Variants in NRXN3 observed in about 807,000 individuals in gnomAD.
The protein encoded by NRXN3 is neurexin 3.
A neutral mutation model predicts 137.6 loss-of-function variants in NRXN3; 32 were observed. The observed-to-expected ratio is 0.23, with a 90% confidence interval of 0.18 to 0.31. The LOEUF (loss-of-function observed/expected upper bound fraction) is 0.31. NRXN3 is among the 10% of genes least tolerant of loss of function. The pLI is 1.00. For synonymous variants in NRXN3, 798 were observed against 784.5 expected, an observed-to-expected ratio of 1.02 and a Z score of -0.29; for missense variants, 1,574 against 2,062.5, an observed-to-expected ratio of 0.76 and a Z score of 4.59.
chr14:79,852,043 G>GTGCT lies in NRXN3; in HGVS notation c.4094-9298_4094-9295dup, dbSNP rs2099392534. Reference sequence around the variant, plus strand: ...TTATTAACATTCTACTGTCATCATTGTGCTCTGTCACTTTGACTAAGCCCA... The same window carrying GTGCT: ...TTATTAACATTCTACTGTCATCATTGTGCTTGCTCTGTCACTTTGACTAAGCCCA... On this transcript the variant is annotated intron_variant, in intron 20 of 20. Transcript: ENST00000335750. Among the ~76,000 whole-genome samples, 2 of 151,550 alleles carry GTGCT rather than the reference G, an allele frequency of 1.3e-5. 1 individual carries two copies. Among genetic ancestry groups the GTGCT allele is most frequent in the South Asian group, 4.2e-4 (2 of 4,806 alleles).
rs139191616 is a variant in NRXN3, at chr14:79,261,691, G to T, written c.3263-205530G>T. Among the ~76,000 whole-genome samples, 1,005 of 149,138 alleles carry T rather than the reference G, an allele frequency of 6.7e-3. 11 individuals are homozygous for T. Among genetic ancestry groups the T allele is most frequent in the African/African-American group, 0.024 (955 of 40,132 alleles). ...ACAACATGCCTACAGAATACAGGGG[G>T]ATGTGAAAGAACAATTTACCTTCCA... On this transcript the variant is annotated intron_variant, in intron 15 of 20. Coordinates refer to ENST00000335750, the MANE Select transcript of NRXN3 (RefSeq NM_001330195.2).
intron 15 of NRXN3, among the ~76,000 whole-genome samples, chr14:79,329,801 G>C (rs1475359223): frequency 6.6e-6 from 1 of 151,958 alleles, no homozygotes; most frequent in Non-Finnish European, 1.5e-5. Context: ...AGTTGATAAA[G>C]TGACTGATGG....
At chr14:79,805,055 ATC>A in intron 19 of NRXN3, 55 bp from the exon 20 acceptor site, 58 of 1,197,896 alleles carry the variant, frequency 4.8e-5, no homozygotes, top group Non-Finnish European at 5.9e-5. Flanking sequence ...TAGTTTCCTT[ATC>A]TCTCTCTCTT....
At chr14:79,164,778 T>A (rs908917975) in intron 15 of NRXN3, among the ~76,000 whole-genome samples, 1 of 151,884 alleles carries the variant, frequency 6.6e-6, no homozygotes, top group African/African-American at 2.4e-5. Flanking sequence ...TAATTGTGAG[T>A]TTTCTAAGAC....
rs530351855 is a variant in NRXN3, at chr14:79,704,423, C to CAAAG, written c.4014+6489_4014+6492dup. Among the ~76,000 whole-genome samples, 8 of 152,228 alleles carry CAAAG rather than the reference C, an allele frequency of 5.3e-5. No homozygotes were observed. The East Asian group carries it at 7.8e-4, about 15-fold the overall frequency. ...TGTATCAAAACTGGTTATATTTACC[C>CAAAG]AAAGAATTATCCCCTCTGGGTCCTT... On this transcript the variant is annotated intron_variant, in intron 19 of 20. Coordinates refer to ENST00000335750, the MANE Select transcript of NRXN3 (RefSeq NM_001330195.2).
intron 8 of NRXN3, among the ~76,000 whole-genome samples, chr14:78,726,515 C>CTTTTTTTTTT (rs71452901): frequency 6.8e-5 from 7 of 102,474 alleles, no homozygotes; most frequent in Non-Finnish European, 9.1e-5. Flanking sequence ...ACCATTTTAG[C>CTTTTTTTTTT]TTTTTTTTTT....
intron 10 of NRXN3, among the ~76,000 whole-genome samples, chr14:78,816,875 T>C (rs2098935146): frequency 6.6e-6 from 1 of 152,190 alleles, no homozygotes; most frequent in Admixed American, 6.5e-5. Context: ...TGCTGTCACA[T>C]ATTTATTTCC....
At chr14:79,594,637 G>A (rs2097843878) in intron 16 of NRXN3, among the ~76,000 whole-genome samples, 1 of 151,956 alleles carries the variant, frequency 6.6e-6, no homozygotes, top group Non-Finnish European at 1.5e-5. Context: ...ATCACTTTGT[G>A]GCTTCAAGAA....
intron 4 of NRXN3, among the ~76,000 whole-genome samples, chr14:78,476,308 A>G (rs2095377117): frequency 6.6e-6 from 1 of 152,230 alleles, no homozygotes; most frequent in Non-Finnish European, 1.5e-5. Flanking sequence ...TGGTAGAGTG[A>G]CTGGGAAGGC....
At chr14:78,378,895 G>A (rs998652848) in intron 4 of NRXN3, among the ~76,000 whole-genome samples, 1 of 151,996 alleles carries the variant, frequency 6.6e-6, no homozygotes, top group Non-Finnish European at 1.5e-5. Flanking sequence ...GACTAATAAA[G>A]AAGAAAAGAC....
chr14:78,788,754 T>C (rs967195387), intron 8 of NRXN3, among the ~76,000 whole-genome samples: 1 of 152,202 alleles, frequency 6.6e-6, no homozygotes, highest in Admixed American at 6.5e-5. Flanking sequence ...TAAACTTTCA[T>C]CAAATGGCAC....
At chr14:78,951,713 C>T (rs1272461979) in intron 10 of NRXN3, among the ~76,000 whole-genome samples, 2 of 152,086 alleles carry the variant, frequency 1.3e-5, no homozygotes, top group Admixed American at 6.6e-5. Flanking sequence ...TCTTTTTATC[C>T]TCCACAATGA....
At chr14:78,910,420 G>A (rs1273593161) in intron 10 of NRXN3, among the ~76,000 whole-genome samples, 1 of 152,020 alleles carries the variant, frequency 6.6e-6, no homozygotes, top group Non-Finnish European at 1.5e-5. Flanking sequence ...ATATTTCCCT[G>A]CTATCATTGT....
chr14:79,623,946 C>T (rs1252411593), intron 16 of NRXN3, among the ~76,000 whole-genome samples: 2 of 148,498 alleles, frequency 1.3e-5, no homozygotes, highest in African/African-American at 5.0e-5. Context: ...TCTTCCACTA[C>T]CGTTGTCTTT....
At chr14:79,553,547 A>G (rs1220429108) in intron 16 of NRXN3, among the ~76,000 whole-genome samples, 2 of 152,084 alleles carry the variant, frequency 1.3e-5, no homozygotes, top group Admixed American at 1.3e-4. Flanking sequence ...AGATAACTAC[A>G]TGCACGCACT....
chr14:79,147,106 G>A (rs746723609), intron 15 of NRXN3, among the ~76,000 whole-genome samples: 4 of 152,124 alleles, frequency 2.6e-5, no homozygotes, highest in African/African-American at 9.7e-5. Context: ...GTGTAAGAGG[G>A]TGAGAGAAAA....
intron 6 of NRXN3, among the ~76,000 whole-genome samples, chr14:78,661,611 A>G (rs752152499): frequency 6.6e-6 from 1 of 152,234 alleles, no homozygotes; most frequent in Non-Finnish European, 1.5e-5. Flanking sequence ...AGGTTGAATT[A>G]ATAGAGGTCT....
At chr14:79,206,456 A>G (rs1212318368) in intron 15 of NRXN3, among the ~76,000 whole-genome samples, 2 of 152,188 alleles carry the variant, frequency 1.3e-5, no homozygotes, top group Non-Finnish European at 2.9e-5. Context: ...AGGGTCCATC[A>G]TCTCTTCTTG....
intron 4 of NRXN3, among the ~76,000 whole-genome samples, chr14:78,462,248 T>C (rs1280769990): frequency 6.6e-6 from 1 of 152,192 alleles, no homozygotes; most frequent in Non-Finnish European, 1.5e-5. Flanking sequence ...GTCATGATAA[T>C]GTCAGTCTTC....
Sources: allele counts gnomAD v4.1 joint callset (sites outside exome capture counted in the v4.1 genomes callset), GRCh38; gene constraint gnomAD v4.1.1; transcripts MANE v1.5; gene names NCBI Gene and HGNC (gene_info 2026-07-23, HGNC 2026-07-21).